NCALD: variants seen among roughly 807,000 people sequenced by gnomAD.
The protein encoded by NCALD is neurocalcin delta.
Under a neutral mutation model 18.6 loss-of-function variants are expected in NCALD, and 10 were observed. That is an observed-to-expected ratio of 0.54 (90% CI 0.33 to 0.91). The LOEUF (loss-of-function observed/expected upper bound fraction) is 0.91. NCALD is among the 40% of genes least tolerant of loss of function. NCALD has a pLI of 0.03. For synonymous variants in NCALD, 88 were observed against 87.4 expected, an observed-to-expected ratio of 1.01 and a Z score of -0.04; for missense variants, 184 against 247.6, an observed-to-expected ratio of 0.74 and a Z score of 1.72.
Position 101,995,036 on chromosome 8 carries a change from T to C in NCALD, c.-157+25201A>G, listed in dbSNP as rs150277607. On this transcript the variant is annotated intron_variant, in intron 2 of 6. Coordinates refer to the NCALD transcript ENST00000311028. ...ATATGGTAGGATTTCAACAAAGTTATAGTTTTTTTAAAAAGTTTGCTTCTT... is the reference window on the plus strand; with the variant it reads ...ATATGGTAGGATTTCAACAAAGTTACAGTTTTTTTAAAAAGTTTGCTTCTT... Among the ~76,000 whole-genome samples the C allele has an allele frequency of 2.9e-3, 441 of 152,302 alleles. 1 individual carries two copies. Among genetic ancestry groups the C allele is most frequent in the African/African-American group, 9.1e-3 (379 of 41,534 alleles).
At chr8:102,038,196 T>A (rs1226053874) in intron 1 of NCALD, among the ~76,000 whole-genome samples, 1 of 152,144 alleles carries the variant, frequency 6.6e-6, no homozygotes, top group African/African-American at 2.4e-5. Flanking sequence ...CCCAGCTGCA[T>A]CAATTTTGAG....
At chr8:102,098,752 C>T (rs1223150405) in intron 1 of NCALD, among the ~76,000 whole-genome samples, 4 of 152,124 alleles carry the variant, frequency 2.6e-5, no homozygotes, top group African/African-American at 9.7e-5. Context: ...GCACCAGACC[C>T]TGCCCTCCCA....
In NCALD at chr8:101,692,896, C is replaced by T. The variant is rs1199954090; in HGVS notation, c.379G>A (p.Ala127Thr). The T allele has an allele frequency of 1.9e-6, 3 of 1,610,306 alleles. No individual in the cohort carries two copies. The highest frequency in any genetic ancestry group is 2.5e-6 in the Non-Finnish European group (3 of 1,176,618). Residue 127 changes from alanine to threonine, a missense_variant and splice_region_variant, in exon 3 of 4, where the codon GCA becomes ACA. Physicochemically the swap from Ala to Thr is moderately conservative, Grantham distance 58. Transcript: ENST00000220931. ...SKAEMLEIVQAIYKMVSSVMK... is the reference protein window; with the variant it reads ...SKAEMLEIVQTIYKMVSSVMK... The stretch of plus-strand genomic sequence containing the variant: ...ACAGAGGAAACCATCTTATAGATTG[C>T]CTGGGGACAGAAGCGACATGGTGGT...
chr8:101,844,649 C>T (rs1814791476), intron 4 of NCALD, among the ~76,000 whole-genome samples: 1 of 152,176 alleles, frequency 6.6e-6, no homozygotes. Flanking sequence ...GTGTGAGCCA[C>T]TGCACCTGAC....
At chr8:101,884,443 A>G (rs539981185) in intron 4 of NCALD, among the ~76,000 whole-genome samples, 54 of 152,328 alleles carry the variant, frequency 3.5e-4, no homozygotes, top group African/African-American at 1.2e-3. Flanking sequence ...ATAAATATTT[A>G]TTGAACAAAT....
At chr8:102,080,827 T>C (rs950194633) in intron 1 of NCALD, among the ~76,000 whole-genome samples, 1 of 152,260 alleles carries the variant, frequency 6.6e-6, no homozygotes, top group African/African-American at 2.4e-5. Flanking sequence ...AGGCTCCAGC[T>C]GGTCTGGGTC....
At chr8:102,077,487 T>C (rs1392748510) in intron 1 of NCALD, among the ~76,000 whole-genome samples, 1 of 152,204 alleles carries the variant, frequency 6.6e-6, no homozygotes, top group Non-Finnish European at 1.5e-5. Flanking sequence ...ATAAAAAGTC[T>C]GTAAAAATGA....
intron 1 of NCALD, among the ~76,000 whole-genome samples, chr8:101,757,409 A>G (rs528538347): frequency 1.3e-5 from 2 of 152,314 alleles, no homozygotes; most frequent in African/African-American, 4.8e-5. Flanking sequence ...CTTAAAACAG[A>G]GCATGTCCTG....
chr8:101,844,489 A>T (rs1814784137), intron 4 of NCALD, among the ~76,000 whole-genome samples: 1 of 151,834 alleles, frequency 6.6e-6, no homozygotes, highest in Admixed American at 6.6e-5. Flanking sequence ...TCCCCTGAGT[A>T]GCTGAGATTA....
intron 3 of NCALD, among the ~76,000 whole-genome samples, chr8:101,910,704 A>C (rs1386660544): frequency 2.6e-5 from 4 of 152,320 alleles, no homozygotes; most frequent in African/African-American, 9.6e-5. Flanking sequence ...CCCATAATAA[A>C]TAGATCCAGA....
At chr8:101,861,878 C>T (rs574976443) in intron 4 of NCALD, among the ~76,000 whole-genome samples, 1 of 152,148 alleles carries the variant, frequency 6.6e-6, no homozygotes, top group Non-Finnish European at 1.5e-5. Flanking sequence ...TCCTGGGTCT[C>T]GACTTCATGT....
intron 4 of NCALD, among the ~76,000 whole-genome samples, chr8:101,835,226 C>T (rs1814362103): frequency 6.6e-6 from 1 of 152,266 alleles, no homozygotes. Flanking sequence ...GTAAGTGCCA[C>T]TTGGCTTTCT....
intron 2 of NCALD, among the ~76,000 whole-genome samples, chr8:101,979,931 T>G (rs1395362480): frequency 6.6e-6 from 1 of 152,180 alleles, no homozygotes; most frequent in Non-Finnish European, 1.5e-5. Context: ...GGATAGTCCT[T>G]GTGTTACATC....
intron 2 of NCALD, among the ~76,000 whole-genome samples, chr8:101,958,499 G>C (rs1819718591): frequency 1.3e-5 from 2 of 152,150 alleles, no homozygotes; most frequent in African/African-American, 4.8e-5. Context: ...GACTGAGGGG[G>C]CTACATTACA....
intron 4 of NCALD, among the ~76,000 whole-genome samples, chr8:101,800,291 A>T (rs1216879084): frequency 6.6e-6 from 1 of 152,072 alleles, no homozygotes; most frequent in African/African-American, 2.4e-5. Context: ...GTGTCCTAGG[A>T]CTCTTGCATT....
chr8:102,047,627 C>T (rs1221190972), intron 1 of NCALD, among the ~76,000 whole-genome samples: 1 of 152,190 alleles, frequency 6.6e-6, no homozygotes, highest in Non-Finnish European at 1.5e-5. Flanking sequence ...AACATGCTAA[C>T]GATCCTGGTG....
intron 1 of NCALD, among the ~76,000 whole-genome samples, chr8:102,119,068 T>C (rs1825871403): frequency 6.6e-6 from 1 of 152,208 alleles, no homozygotes; most frequent in South Asian, 2.1e-4. Flanking sequence ...TTTCCACTTC[T>C]GGGTATATAC....
intron 2 of NCALD, among the ~76,000 whole-genome samples, chr8:101,987,920 C>T (rs545494216): frequency 6.6e-6 from 1 of 152,070 alleles, no homozygotes; most frequent in East Asian, 1.9e-4. Flanking sequence ...TTTCGGAGGC[C>T]GAGGCGGGCG....
intron 2 of NCALD, among the ~76,000 whole-genome samples, chr8:101,712,587 CAAA>C (rs201729096): frequency 2.0e-4 from 16 of 78,906 alleles, no homozygotes; most frequent in African/African-American, 3.1e-4. Context: ...AAATGGAAAG[CAAA>C]AAAAAAAAAA....
Sources: allele counts gnomAD v4.1 joint callset (sites outside exome capture counted in the v4.1 genomes callset), GRCh38; gene constraint gnomAD v4.1.1; transcripts MANE v1.5; gene names NCBI Gene and HGNC (gene_info 2026-07-23, HGNC 2026-07-21).